The following RANBP2 variants were observed in gnomAD, a reference collection of about 807,000 sequenced individuals.
RANBP2 encodes the protein E3 SUMO-protein ligase RanBP2.
In RANBP2, 57 loss-of-function variants were observed where a neutral mutation model predicts 303.6. The observed-to-expected ratio is 0.19, with a 90% CI of 0.15 to 0.23. The LOEUF (loss-of-function observed/expected upper bound fraction) is 0.23. Among genes scored for constraint, RANBP2 ranks in the 10% least tolerant of loss-of-function variants. RANBP2 has a pLI of 1.00. For synonymous variants in RANBP2, 1,167 were observed against 1,301.5 expected (o/e 0.90, Z 2.23); for missense variants, 3,138 against 3,780.8 (o/e 0.83, Z 4.46).
intron 20 of RANBP2, among the ~76,000 whole-genome samples, chr2:108,770,075 C>T (rs181305527): frequency 1.8e-3 from 272 of 152,188 alleles, no homozygotes; most frequent in African/African-American, 6.1e-3. Context: ...TGTATACTTG[C>T]GTACAGTTTC....
At chr2:109,496,681 A>C in the RANBP2 span, among the ~76,000 whole-genome samples, 80,873 of 151,960 alleles carry the variant, frequency 0.53, 21,968 homozygotes, top group East Asian at 0.69. Context: ...GCGTTCCTTG[A>C]TCTGATCCAT....
At chr2:108,961,770 TG>T in the RANBP2 span, among the ~76,000 whole-genome samples, 5 of 152,154 alleles carry the variant, frequency 3.3e-5, no homozygotes, top group South Asian at 1.0e-3. Context: ...TCAGCCCATG[TG>T]TTGGGTCTTT....
chr2:109,677,553 G>A, the RANBP2 span, among the ~76,000 whole-genome samples: 2 of 152,262 alleles, frequency 1.3e-5, no homozygotes, highest in African/African-American at 4.8e-5. Context: ...GGTCGCCAGA[G>A]GTACTTTTAA....
At chr2:108,927,389 G>A in the RANBP2 span, among the ~76,000 whole-genome samples, 5 of 152,156 alleles carry the variant, frequency 3.3e-5, no homozygotes, top group Non-Finnish European at 5.9e-5. Context: ...GTCCACATTC[G>A]CCTGAATTCT....
the RANBP2 span, among the ~76,000 whole-genome samples, chr2:108,862,661 T>C: frequency 2.0e-5 from 3 of 152,336 alleles, no homozygotes; most frequent in African/African-American, 4.8e-5. Context: ...ATATTGTACA[T>C]GGTAAAGATA....
chr2:109,094,294 G>A, the RANBP2 span, among the ~76,000 whole-genome samples: 71 of 152,236 alleles, frequency 4.7e-4, no homozygotes, highest in Non-Finnish European at 6.6e-4. Context: ...ATCTTCTCCC[G>A]TAGTATTTCC....
chr2:108,971,900 C>A, the RANBP2 span, among the ~76,000 whole-genome samples: 3 of 152,186 alleles, frequency 2.0e-5, no homozygotes, highest in Non-Finnish European at 4.4e-5. Flanking sequence ...ACCAAAGGCA[C>A]TGAGCTTCCT....
the RANBP2 span, among the ~76,000 whole-genome samples, chr2:109,450,740 G>T: frequency 6.6e-6 from 1 of 152,176 alleles, no homozygotes; most frequent in African/African-American, 2.4e-5. Context: ...CCCATGCACT[G>T]CCTGAGGCTG....
the RANBP2 span, among the ~76,000 whole-genome samples, chr2:109,466,072 C>CTTTT: frequency 6.6e-3 from 543 of 82,400 alleles, 5 homozygotes; most frequent in Middle Eastern, 0.013. Flanking sequence ...ACCTGTACAT[C>CTTTT]TTTTTTTTTT....
the RANBP2 span, among the ~76,000 whole-genome samples, chr2:109,163,753 G>A: frequency 6.6e-6 from 1 of 152,114 alleles, no homozygotes; most frequent in Non-Finnish European, 1.5e-5. Context: ...AACTGGAATC[G>A]CCATCCTGTG....
the RANBP2 span, among the ~76,000 whole-genome samples, chr2:108,886,740 A>ATTT: frequency 2.0e-5 from 3 of 151,776 alleles, no homozygotes; most frequent in East Asian, 1.9e-4. Flanking sequence ...ATGGGATTTA[A>ATTT]AAAAAAAATT....
the RANBP2 span, among the ~76,000 whole-genome samples, chr2:109,228,061 G>A: frequency 6.6e-6 from 1 of 152,176 alleles, no homozygotes; most frequent in Admixed American, 6.5e-5. Flanking sequence ...CCAGACACAG[G>A]TACGAGTGTC....
At chr2:109,026,791 G>A in the RANBP2 span, among the ~76,000 whole-genome samples, 2 of 152,194 alleles carry the variant, frequency 1.3e-5, no homozygotes, top group Admixed American at 6.5e-5. Context: ...AAGTGGCCGG[G>A]TGCAGTGGCT....
the RANBP2 span, among the ~76,000 whole-genome samples, chr2:109,060,214 G>T: frequency 6.6e-6 from 1 of 152,094 alleles, no homozygotes. Context: ...AAAAGAAAAA[G>T]AAAGAATATG....
chr2:108,923,355 C>G, the RANBP2 span: 1 of 1,613,520 alleles, frequency 6.2e-7, no homozygotes, highest in East Asian at 2.2e-5. Context: ...GGTGGAAGGA[C>G]AAAGACACTC....
the RANBP2 span, among the ~76,000 whole-genome samples, chr2:109,623,798 G>A: frequency 6.6e-6 from 1 of 152,182 alleles, no homozygotes; most frequent in Non-Finnish European, 1.5e-5. Flanking sequence ...CACCATGGAA[G>A]CCAAAATCAA....
chr2:109,271,740 C>T, the RANBP2 span, among the ~76,000 whole-genome samples: 20 of 152,340 alleles, frequency 1.3e-4, no homozygotes, highest in African/African-American at 4.6e-4. Flanking sequence ...CACAGAAAGT[C>T]GTGTGTCCTC....
chr2:109,704,016 G>T, the RANBP2 span, among the ~76,000 whole-genome samples: 1 of 152,186 alleles, frequency 6.6e-6, no homozygotes, highest in African/African-American at 2.4e-5. Flanking sequence ...CACACTGAGG[G>T]AGACTACCTA....
the RANBP2 span, among the ~76,000 whole-genome samples, chr2:109,410,415 GC>G: frequency 6.6e-6 from 1 of 152,222 alleles, no homozygotes; most frequent in South Asian, 2.1e-4. Context: ...GGTGCGGAGG[GC>G]CCCTGCAGCT....
Sources: allele counts gnomAD v4.1 joint callset (sites outside exome capture counted in the v4.1 genomes callset), GRCh38; gene constraint gnomAD v4.1.1; transcripts MANE v1.5; gene names NCBI Gene and HGNC (gene_info 2026-07-23, HGNC 2026-07-21).